The following FANCM variants were observed in gnomAD, a reference collection of about 807,000 sequenced individuals.
FANCM encodes the protein Fanconi anemia group M protein.
In FANCM, 140 loss-of-function variants were observed where a neutral mutation model predicts 199.5. The observed-to-expected ratio is 0.70, with a 90% CI of 0.61 to 0.81. The LOEUF (loss-of-function observed/expected upper bound fraction) is 0.81, where lower values mean the gene tolerates loss of function less well. Among genes scored for constraint, FANCM ranks in the 30% least tolerant of loss-of-function variants. The probability of loss-of-function intolerance (pLI) is 0.00; values close to 1 mark genes in which losing one functional copy is unlikely to be tolerated. For missense variants in FANCM, 2,410 were observed against 2,421.4 expected, an observed-to-expected ratio of 1.00 and a Z score of 0.10; for synonymous variants, 840 against 836.8, an observed-to-expected ratio of 1.00 and a Z score of -0.07.
At chr14:45,182,643 T>C (rs1889142937) in intron 16 of FANCM, among the ~76,000 whole-genome samples, 1 of 152,210 alleles carries the variant, frequency 6.6e-6, no homozygotes. Context: ...AGTTTATAGC[T>C]GATAGCTAAA....
At chr14:45,195,458 C>T in intron 20 of FANCM, 1 of 440,274 alleles carries the variant, frequency 2.3e-6, no homozygotes, top group Non-Finnish European at 4.5e-6. Flanking sequence ...TTATAATAAA[C>T]GTTTAACTGT....
intron 14 of FANCM, among the ~76,000 whole-genome samples, chr14:45,178,587 A>T (rs1232412135): frequency 6.6e-6 from 1 of 152,222 alleles, no homozygotes; most frequent in African/African-American, 2.4e-5. Context: ...TGAAAAAGAA[A>T]GCCTCCTAGA....
chr14:45,166,840 C>T (rs1392882557), intron 10 of FANCM, 110 bp from the exon 11 acceptor site: 6 of 693,214 alleles, frequency 8.7e-6, no homozygotes, highest in East Asian at 2.8e-5. Flanking sequence ...TTAAGTGGAT[C>T]GGGGTTTAAT....
At position 45,189,372 on chromosome 14, in the gene FANCM, A is replaced by C; in HGVS notation, c.5340+10A>C. 6.3e-7 allele frequency: 1 copy of C among 1,574,948 alleles called. No homozygotes were observed. The highest frequency in any genetic ancestry group is 8.7e-7 in the Non-Finnish European group (1 of 1,144,626). On this transcript the variant is annotated intron_variant, in intron 20 of 22. Transcript: ENST00000267430. ...TCCAGTTCCACAGAAGGTATGGATC[A>C]AAGAAAGGAAAAATATCTTTAGATG...
intron 3 of FANCM, among the ~76,000 whole-genome samples, chr14:45,143,030 A>G (rs1886086749): frequency 6.6e-6 from 1 of 152,024 alleles, no homozygotes; most frequent in South Asian, 2.1e-4. Context: ...TTTTATATGC[A>G]TTAATTTGAA....
rs551292198 is a variant in FANCM at position 45,200,102 on chromosome 14, G to T, written c.*94G>T. On this transcript the variant is annotated 3_prime_UTR_variant, in exon 23 of 23. Coordinates refer to ENST00000267430, the MANE Select transcript of FANCM (RefSeq NM_020937.4). ...GTTTTATGTTTATTTGTAAATAAGA[G>T]AATATTTTATTTAAATATTTTATAT... The T allele has an allele frequency of 2.3e-5, 14 of 619,260 alleles. No individual in the cohort carries two copies. Among genetic ancestry groups the T allele is most frequent in the Admixed American group, 1.7e-4 (5 of 30,280 alleles). The allele number at this position is 619,260 out of a possible 1,614,324, so 38.4% of individuals were successfully genotyped here.
intron 1 of FANCM, 130 bp from the exon 2 acceptor site, chr14:45,136,939 C>A: frequency 1.3e-6 from 1 of 767,326 alleles, no homozygotes; most frequent in Non-Finnish European, 2.2e-6. Context: ...TGTAGCATTC[C>A]GATGAATTGT....
At chr14:45,136,689 T>C in intron 1 of FANCM, 150 bp downstream of exon 1, 1 of 774,308 alleles carries the variant, frequency 1.3e-6, no homozygotes, top group Non-Finnish European at 2.2e-6. Flanking sequence ...ATAGGGTTGC[T>C]TTATTCAATC....
At chr14:45,194,513 A>AT (rs1446320134) in intron 20 of FANCM, among the ~76,000 whole-genome samples, 2 of 152,002 alleles carry the variant, frequency 1.3e-5, no homozygotes, top group Admixed American at 6.6e-5. Context: ...TCCCATCTTG[A>AT]TTTTTTTACT....
chr14:45,177,811 A>G (rs2139257339), intron 14 of FANCM, among the ~76,000 whole-genome samples: 1 of 152,354 alleles, frequency 6.6e-6, no homozygotes, highest in East Asian at 1.9e-4. Context: ...GCGAGGGGAA[A>G]GAAGGAAAGT....
chr14:45,185,058 A>T (rs972506225), intron 17 of FANCM, among the ~76,000 whole-genome samples, 159 bp from the exon 18 acceptor site: 1 of 152,100 alleles, frequency 6.6e-6, no homozygotes, highest in Non-Finnish European at 1.5e-5. Context: ...CTGGGATTAC[A>T]GACATGCATC....
chr14:45,167,456 G>A (rs1888066775), intron 11 of FANCM: 1 of 346,510 alleles, frequency 2.9e-6, no homozygotes, highest in South Asian at 3.0e-5. Flanking sequence ...TTTTTAATAA[G>A]CATTAAACCA....
chr14:45,187,852 C>A lies in FANCM; in HGVS notation c.4744C>A (p.His1582Asn). 6.4e-7 allele frequency: 1 copy of A among 1,553,050 alleles called. No individual in the cohort carries two copies. Among genetic ancestry groups the A allele is most frequent in the South Asian group, 1.1e-5 (1 of 89,732 alleles). Reference sequence around the variant, plus strand: ...GATGAACAATAAGTACAAAATGATTCATAAGACACATAAAAACATAAACAT... The same window carrying A: ...GATGAACAATAAGTACAAAATGATTAATAAGACACATAAAAACATAAACAT... ...PMMNNKYKMI[H>N]KTHKNINIFS... is the part of the protein sequence containing the mutation. Residue 1582 changes from histidine to asparagine, a missense_variant, in exon 19 of 23, where the codon CAT (histidine) becomes AAT (asparagine). Coordinates refer to ENST00000267430, the MANE Select transcript of FANCM (RefSeq NM_020937.4).
Position 45,196,698 on chromosome 14 carries a change from G to A in FANCM, c.5716+151G>A. 4 of 788,968 alleles carry A rather than the reference G, an allele frequency of 5.1e-6. No homozygotes were observed. In the South Asian group the frequency reaches 7.1e-5, roughly 14 times the overall value. The allele number at this position is 788,968 out of a possible 1,614,324, so 48.9% of individuals were successfully genotyped here. On this transcript the variant is annotated intron_variant, in intron 21 of 22. Coordinates refer to ENST00000267430, the MANE Select transcript of FANCM (RefSeq NM_020937.4). ...TTTCATATTTTCATACAGCCATAAT[G>A]GCTTTCATTAGTCATTGTATTTAAA... is the stretch of plus-strand genomic sequence containing the variant.
At chr14:45,140,217 G>A (rs1398101725) in intron 2 of FANCM, among the ~76,000 whole-genome samples, 3 of 151,680 alleles carry the variant, frequency 2.0e-5, no homozygotes, top group Non-Finnish European at 4.4e-5. Flanking sequence ...CCTTAAAGCA[G>A]TCCTTTTGAG....
intron 2 of FANCM, among the ~76,000 whole-genome samples, chr14:45,138,170 G>A (rs994718152): frequency 2.6e-5 from 4 of 152,122 alleles, no homozygotes; most frequent in Non-Finnish European, 5.9e-5. Flanking sequence ...GAGTTCTGAG[G>A]TAGATAGAGA....
intron 2 of FANCM, among the ~76,000 whole-genome samples, chr14:45,139,498 T>C (rs1885758868): frequency 6.6e-6 from 1 of 152,148 alleles, no homozygotes; most frequent in Admixed American, 6.5e-5. Flanking sequence ...TATTGGGAAA[T>C]GAAGTGGTAT....
rs189856413 is a variant in FANCM at position 45,151,412 on chromosome 14, G to A, written c.934G>A (p.Ala312Thr). The A allele has an allele frequency of 1.7e-5, 27 of 1,613,680 alleles. No homozygotes were observed. The African/African-American group carries it at 3.5e-4, about 21-fold the overall frequency. The change falls in exon 5 of 23, where the codon GCT becomes ACT. Residue 312 changes from alanine to threonine, a missense_variant. Ala to Thr is a moderately conservative substitution (Grantham distance 58). Coordinates refer to ENST00000267430, the MANE Select transcript of FANCM (RefSeq NM_020937.4). ...KTYIQILESF[A>T]RSLIQRNVLM... ...AAATTTGCAGATTTTGGAATCATTT[G>A]CTCGTTCTTTGATTCAGAGGAATGT...
chr14:45,169,010 C>G (rs919678298), intron 11 of FANCM, among the ~76,000 whole-genome samples: 6 of 151,922 alleles, frequency 3.9e-5, no homozygotes, highest in Non-Finnish European at 7.4e-5. Flanking sequence ...CAACCTCTAC[C>G]TCCCAGGTTC....
Sources: allele counts gnomAD v4.1 joint callset (sites outside exome capture counted in the v4.1 genomes callset), GRCh38; gene constraint gnomAD v4.1.1; transcripts MANE v1.5; gene names NCBI Gene and HGNC (gene_info 2026-07-23, HGNC 2026-07-21).